Variants in PTK2 observed in about 807,000 individuals in gnomAD.
PTK2 encodes protein tyrosine kinase 2.
A neutral mutation model predicts 150.1 loss-of-function variants in PTK2; 45 were observed. That is an observed-to-expected ratio of 0.30 (90% confidence interval 0.24 to 0.38). PTK2 has a LOEUF of 0.38. Among genes scored for constraint, PTK2 ranks in the 10% least tolerant of loss-of-function variants. The pLI, the probability that PTK2 is intolerant of heterozygous loss-of-function variation, is 1.00. For missense variants in PTK2, 919 were observed against 1,307.3 expected, an observed-to-expected ratio of 0.70 and a Z score of 4.58; for synonymous variants, 432 against 449.2, an observed-to-expected ratio of 0.96 and a Z score of 0.48.
intron 22 of PTK2, 42 bp from the exon 26 acceptor site, chr8:140,717,751 G>A: frequency 2.0e-6 from 3 of 1,521,080 alleles, no homozygotes; most frequent in Non-Finnish European, 2.7e-6. Context: ...TGACAACCCA[G>A]AGTTAGCACA....
intron 1 of PTK2, among the ~76,000 whole-genome samples, chr8:140,942,912 C>G (rs553998547): frequency 6.6e-6 from 1 of 152,018 alleles, no homozygotes; most frequent in African/African-American, 2.4e-5. Flanking sequence ...TGGTGACAAG[C>G]GAGTTCATGT....
intron 4 of PTK2, among the ~76,000 whole-genome samples, chr8:140,868,293 C>A (rs1392714664): frequency 6.6e-6 from 1 of 152,002 alleles, no homozygotes; most frequent in African/African-American, 2.4e-5. Flanking sequence ...AACACAGATG[C>A]CCTCATAAAA....
intron 1 of PTK2, among the ~76,000 whole-genome samples, chr8:140,976,875 T>C (rs934625270): frequency 1.3e-5 from 2 of 152,226 alleles, no homozygotes; most frequent in African/African-American, 2.4e-5. Flanking sequence ...TACTACAATA[T>C]AGGTCTATTT....
At chr8:140,767,677 G>T (rs1022794445) in intron 14 of PTK2, among the ~76,000 whole-genome samples, 17 of 152,018 alleles carry the variant, frequency 1.1e-4, no homozygotes, top group Non-Finnish European at 7.4e-5. Context: ...GTAGAGATGA[G>T]GTTTTGCCAT....
intron 2 of PTK2, among the ~76,000 whole-genome samples, chr8:140,922,623 C>T (rs936067679): frequency 6.6e-6 from 1 of 152,158 alleles, no homozygotes; most frequent in Non-Finnish European, 1.5e-5. Context: ...GAACTTACGG[C>T]TCTCAAAAGT....
intron 23 of PTK2, among the ~76,000 whole-genome samples, chr8:140,709,474 T>C (rs2100035593): frequency 6.6e-6 from 1 of 152,230 alleles, no homozygotes; most frequent in Non-Finnish European, 1.5e-5. Flanking sequence ...ACTTCTGTTC[T>C]CTACAAATCA....
intron 17 of PTK2, chr8:140,750,110 T>C (rs1447682210): frequency 1.3e-5 from 2 of 152,238 alleles, no homozygotes; most frequent in Non-Finnish European, 2.9e-5. Flanking sequence ...ACAGAAGTCA[T>C]TGGCCAGGCC....
At chr8:140,823,998 T>C (rs1265569338) in intron 8 of PTK2, among the ~76,000 whole-genome samples, 1 of 152,212 alleles carries the variant, frequency 6.6e-6, no homozygotes, top group African/African-American at 2.4e-5. Context: ...TCTCAGCATC[T>C]GATGACTAAG....
At chr8:140,695,728 C>T (rs1398078790) in intron 26 of PTK2, among the ~76,000 whole-genome samples, 1 of 152,144 alleles carries the variant, frequency 6.6e-6, no homozygotes, top group Non-Finnish European at 1.5e-5. Flanking sequence ...GAGATGCCAT[C>T]TGCTTCAAAT....
chr8:140,911,923 T>A (rs2100163327), intron 2 of PTK2, among the ~76,000 whole-genome samples: 1 of 152,128 alleles, frequency 6.6e-6, no homozygotes, highest in South Asian at 2.1e-4. Flanking sequence ...CAAAGTATTA[T>A]CAAATTTAGC....
chr8:140,960,639 AT>A (rs1377308289), intron 1 of PTK2, among the ~76,000 whole-genome samples: 1 of 152,230 alleles, frequency 6.6e-6, no homozygotes, highest in African/African-American at 2.4e-5. Context: ...AACTACCAAA[AT>A]TGTTCATTGC....
chr8:140,793,353 C>T lies in PTK2; in HGVS notation c.1124+1G>A. Reference sequence around the variant, plus strand: ...AACAGTACAAAAAAAGCAGTACTTACTTTGGTATTGATGGCAAAGCCCGTT... The same window carrying T: ...AACAGTACAAAAAAAGCAGTACTTATTTTGGTATTGATGGCAAAGCCCGTT... On this transcript the variant is annotated splice_donor_variant, in intron 13 of 31. Coordinates refer to ENST00000522684, the Ensembl canonical transcript of PTK2. LOFTEE classifies it high-confidence loss of function. 1.2e-6 allele frequency: 2 copies of T among 1,609,102 alleles called. No individual in the cohort carries two copies. Among genetic ancestry groups the T allele is most frequent in the Non-Finnish European group, 1.7e-6 (2 of 1,178,448 alleles).
At chr8:140,722,403 T>A (rs1413402368) in intron 22 of PTK2, among the ~76,000 whole-genome samples, 2 of 152,040 alleles carry the variant, frequency 1.3e-5, no homozygotes, top group African/African-American at 4.8e-5. Flanking sequence ...TACAGGTGCA[T>A]CACCAGGCCT....
intron 7 of PTK2, among the ~76,000 whole-genome samples, chr8:140,836,038 A>G (rs2100118477): frequency 6.6e-6 from 1 of 151,716 alleles, no homozygotes; most frequent in Admixed American, 6.6e-5. Context: ...CCAGCCACCC[A>G]CGACCCTGAA....
intron 20 of PTK2, among the ~76,000 whole-genome samples, chr8:140,740,923 G>A (rs1416882245): frequency 6.6e-6 from 1 of 150,448 alleles, no homozygotes; most frequent in Admixed American, 6.6e-5. Context: ...TGGGAAGATC[G>A]CTTGAGCCCA....
At chr8:140,778,676 G>A (rs952121329) in intron 14 of PTK2, among the ~76,000 whole-genome samples, 2 of 152,240 alleles carry the variant, frequency 1.3e-5, no homozygotes, top group Non-Finnish European at 2.9e-5. Flanking sequence ...ACTTGGCCAA[G>A]TGAGTTAAAA....
In PTK2 at chr8:140,818,170, A is replaced by G. The variant is rs184508747; in HGVS notation, c.867+107T>C. 8.9e-4 allele frequency: 920 copies of G among 1,039,344 alleles called. 6 individuals carry two copies. In the African/African-American group the frequency reaches 0.013, roughly 15 times the overall value. 64.4% of individuals were successfully genotyped at this position (1,039,344 alleles called of 1,614,324 possible). A position where few individuals can be genotyped will look rare whatever the true frequency, so the allele number is the denominator to read the frequency against. On this transcript the variant is annotated intron_variant, in intron 10 of 31. Coordinates refer to ENST00000522684, the Ensembl canonical transcript of PTK2. ...CACTGAACAATAAATGCAGTGCAAT[A>G]GGAAAATTTAATTGTAAAATGATCT...
At chr8:140,838,732 C>G (rs764115148) in intron 7 of PTK2, among the ~76,000 whole-genome samples, 1 of 152,080 alleles carries the variant, frequency 6.6e-6, no homozygotes. Flanking sequence ...CTAGGCCGGG[C>G]GCGGTGGCTC....
chr8:140,879,847 G>C (rs965982607), intron 3 of PTK2, among the ~76,000 whole-genome samples: 1 of 152,048 alleles, frequency 6.6e-6, no homozygotes, highest in African/African-American at 2.4e-5. Flanking sequence ...TTCTGAAATA[G>C]TATTTTCAAG....
Sources: allele counts gnomAD v4.1 joint callset (sites outside exome capture counted in the v4.1 genomes callset), GRCh38; gene constraint gnomAD v4.1.1; transcripts MANE v1.5; gene names NCBI Gene and HGNC (gene_info 2026-07-23, HGNC 2026-07-21).